IL23R: variants seen among roughly 807,000 people sequenced by gnomAD.
IL23R encodes the protein interleukin-23 receptor.
In IL23R, 34 loss-of-function variants were observed where a neutral mutation model predicts 56.9. The ratio of observed to expected loss-of-function variants is 0.60; its 90% CI spans 0.45 to 0.80. The LOEUF is 0.80. Ranked by LOEUF, IL23R falls within the 30% of genes least tolerant of loss-of-function variation. The pLI is 0.00. For missense variants in IL23R, 635 were observed against 730.0 expected, an observed-to-expected ratio of 0.87 and a Z score of 1.50; for synonymous variants, 230 against 249.2, an observed-to-expected ratio of 0.92 and a Z score of 0.73.
chr1:67,203,458 T>C (rs1436566935), intron 5 of IL23R, among the ~76,000 whole-genome samples: 1 of 152,100 alleles, frequency 6.6e-6, no homozygotes, highest in East Asian at 1.9e-4. Flanking sequence ...TGGTTCCTTT[T>C]CCTTCTTCTC....
intron 7 of IL23R, among the ~76,000 whole-genome samples, chr1:67,233,381 G>A (rs1430840476): frequency 6.6e-6 from 1 of 151,396 alleles, no homozygotes. Flanking sequence ...AAAAAATCCG[G>A]TTTTGATTAT....
intron 10 of IL23R, among the ~76,000 whole-genome samples, chr1:67,256,550 TGGCTGTCAAGG>T: frequency 1.3e-5 from 2 of 152,220 alleles, no homozygotes; most frequent in South Asian, 4.1e-4. Flanking sequence ...CCCTCGGGAT[TGGCTGTCAAGG>T]GGCTCAAAAC....
At chr1:67,264,527 C>T (rs1653289405), downstream of IL23R, among the ~76,000 whole-genome samples, 1 of 151,956 alleles carries the variant, frequency 6.6e-6, no homozygotes, top group Non-Finnish European at 1.5e-5. Flanking sequence ...AGAATGAAAA[C>T]AATATAACAT....
chr1:67,164,108 A>T (rs549423624), upstream of IL23R, among the ~76,000 whole-genome samples: 1 of 152,242 alleles, frequency 6.6e-6, no homozygotes, highest in Non-Finnish European at 1.5e-5. Flanking sequence ...CAAATCATTT[A>T]TCTGATAAAA....
chr1:67,239,466 T>C (rs1177612779), intron 8 of IL23R, among the ~76,000 whole-genome samples: 1 of 152,200 alleles, frequency 6.6e-6, no homozygotes, highest in Non-Finnish European at 1.5e-5. Context: ...GTTCTCACTT[T>C]GTTGCCCAGG....
intron 9 of IL23R, among the ~76,000 whole-genome samples, chr1:67,244,393 A>C (rs1203685294): frequency 1.3e-5 from 2 of 152,174 alleles, no homozygotes; most frequent in African/African-American, 4.8e-5. Context: ...GCCCATGCCT[A>C]TGTCCTGAAT....
intron 7 of IL23R, 78 bp downstream of exon 7, chr1:67,219,808 A>G (rs371574717): frequency 7.9e-6 from 11 of 1,389,040 alleles, no homozygotes; most frequent in South Asian, 2.3e-5. Context: ...GCTCACACCT[A>G]TAATTCCAGC....
chr1:67,261,344 C>T (rs1283878639), downstream of IL23R, among the ~76,000 whole-genome samples: 13 of 141,150 alleles, frequency 9.2e-5, no homozygotes, highest in Admixed American at 7.1e-4. Context: ...CACTGACAAT[C>T]CTCTTTATTT....
downstream of IL23R, among the ~76,000 whole-genome samples, chr1:67,260,603 A>G (rs568757048): frequency 1.3e-5 from 2 of 152,318 alleles, no homozygotes; most frequent in South Asian, 2.1e-4. Context: ...TCTATCTACC[A>G]ATGATGTCAA....
At chr1:67,148,741 A>G (rs1646703773) in intron 1 of IL23R, among the ~76,000 whole-genome samples, 1 of 152,220 alleles carries the variant, frequency 6.6e-6, no homozygotes, top group Admixed American at 6.5e-5. Context: ...CTGTGGGCAG[A>G]AGGTATTTCT....
intron 4 of IL23R, among the ~76,000 whole-genome samples, chr1:67,185,684 A>G (rs1311324556): frequency 6.6e-6 from 1 of 152,226 alleles, no homozygotes; most frequent in Non-Finnish European, 1.5e-5. Flanking sequence ...AAGAAAGTCC[A>G]CGTAGAAACT....
At chr1:67,236,615 C>T in intron 7 of IL23R, 98 bp from the exon 8 acceptor site, 1 of 768,056 alleles carries the variant, frequency 1.3e-6, no homozygotes, top group Non-Finnish European at 2.4e-6. Context: ...TATTGGTTTA[C>T]TTTAGTCATC....
the IL23R span, among the ~76,000 whole-genome samples, chr1:67,265,438 C>T: frequency 2.6e-4 from 39 of 152,086 alleles, no homozygotes; most frequent in Non-Finnish European, 7.3e-5. Flanking sequence ...TGATATTGTC[C>T]TATGACATGC....
rs74080020 is a variant in IL23R at position 67,157,412 on chromosome 1, A to C, written c.-633-10680A>C. ...CTTTTGCCAGAATCTGTAGAATAAA[A>C]TTGTTTTCACTTCTTGGCTTAATAC... On this transcript the variant is annotated intron_variant, in intron 1 of 10. Transcript: ENST00000637002. Among the ~76,000 whole-genome samples the C allele has an allele frequency of 8.3e-3, 1,269 of 152,300 alleles. 16 individuals are homozygous for C. The highest frequency in any genetic ancestry group is 0.029 in the African/African-American group (1,185 of 41,550).
intron 5 of IL23R, among the ~76,000 whole-genome samples, chr1:67,205,877 T>A (rs1043806646): frequency 3.4e-5 from 1 of 29,458 alleles, no homozygotes; most frequent in South Asian, 2.9e-3. Context: ...ACATCCATCT[T>A]TCTTTCTTTC....
At chr1:67,261,593 A>G (rs1471179546), downstream of IL23R, among the ~76,000 whole-genome samples, 1 of 152,128 alleles carries the variant, frequency 6.6e-6, no homozygotes, top group Non-Finnish European at 1.5e-5. Context: ...TGACTTGTAA[A>G]TTGCCGTATG....
Position 67,200,779 on chromosome 1 carries a change from T to C in IL23R, c.534T>C (p.Tyr178=), listed in dbSNP as rs761419749. 2 of 1,614,062 alleles carry C rather than the reference T, an allele frequency of 1.2e-6. No individual in the cohort carries two copies. The highest frequency in any genetic ancestry group is 2.2e-5 in the South Asian group (2 of 91,068). Residue 178 remains tyrosine, a synonymous_variant, in exon 5 of 11, where the codon TAT becomes TAC. Coordinates refer to ENST00000347310, the MANE Select transcript of IL23R (RefSeq NM_144701.3). ...EEEQQYLTSS[Y]INISTDSLQG... The stretch of plus-strand genomic sequence containing the variant: ...AGCAACAGTATCTCACCTCAAGCTA[T>C]ATTAACATCTCCACTGATTCATTAC...
rs187356987 is a variant in IL23R, at chr1:67,206,859, C to G, written c.653-51C>G. ...TTGACGAAAAGATGCCAGTTTCTCCCTAGGCAAGTTTTAAACAGCCAGGTC... is the reference window on the plus strand; with the variant it reads ...TTGACGAAAAGATGCCAGTTTCTCCGTAGGCAAGTTTTAAACAGCCAGGTC... On this transcript the variant is annotated intron_variant, in intron 5 of 10. Coordinates refer to ENST00000347310, the MANE Select transcript of IL23R (RefSeq NM_144701.3). The G allele has an allele frequency of 1.5e-5, 23 of 1,505,516 alleles. No individual in the cohort carries two copies. The African/African-American group carries it at 3.3e-4, about 22-fold the overall frequency. 93.3% of individuals were successfully genotyped at this position (1,505,516 alleles called of 1,614,324 possible).
At chr1:67,245,625 A>G (rs1018608994) in intron 9 of IL23R, among the ~76,000 whole-genome samples, 9 of 152,158 alleles carry the variant, frequency 5.9e-5, no homozygotes, top group Non-Finnish European at 1.2e-4. Context: ...TCATTTGCCT[A>G]TGTTGAACCA....
Sources: allele counts gnomAD v4.1 joint callset (sites outside exome capture counted in the v4.1 genomes callset), GRCh38; gene constraint gnomAD v4.1.1; transcripts MANE v1.5; gene names NCBI Gene and HGNC (gene_info 2026-07-23, HGNC 2026-07-21).